The following PTPRT variants were observed in gnomAD, a reference collection of about 807,000 sequenced individuals.
PTPRT encodes receptor-type tyrosine-protein phosphatase T.
In PTPRT, 56 loss-of-function variants were observed where a neutral mutation model predicts 176.8. The ratio of observed to expected loss-of-function variants is 0.32; its 90% CI spans 0.26 to 0.40. PTPRT has a LOEUF of 0.40. Among genes scored for constraint, PTPRT ranks in the 10% least tolerant of loss-of-function variants. The pLI is 1.00. For missense variants in PTPRT, 1,540 were observed against 1,908.2 expected, an observed-to-expected ratio of 0.81 and a Z score of 3.60; for synonymous variants, 783 against 739.0, an observed-to-expected ratio of 1.06 and a Z score of -0.96.
rs1600675894 is a variant in PTPRT, at chr20:42,206,761, C to T, written c.2343-7373G>A. ...AGATAAACAAAGCAGCCCGGAAGCT[C>T]GAACTGGGTGAACTGGGCGGAGCCC... On this transcript the variant is annotated intron_variant, in intron 15 of 30. Coordinates refer to ENST00000373187, the MANE Select transcript of PTPRT (RefSeq NM_007050.6). Among the ~76,000 whole-genome samples, 4 of 152,360 alleles carry T rather than the reference C, an allele frequency of 2.6e-5. No individual in the cohort carries two copies. The South Asian group carries it at 8.3e-4, about 32-fold the overall frequency.
chr20:42,334,757 T>C (rs1373191296), intron 11 of PTPRT, among the ~76,000 whole-genome samples: 1 of 152,254 alleles, frequency 6.6e-6, no homozygotes, highest in Non-Finnish European at 1.5e-5. Context: ...ACTGGTTATG[T>C]GATCTTCCTT....
chr20:42,587,523 T>C (rs1233073066), intron 7 of PTPRT, among the ~76,000 whole-genome samples: 2 of 152,236 alleles, frequency 1.3e-5, no homozygotes, highest in African/African-American at 2.4e-5. Context: ...ACTCTGACCC[T>C]TGCACGGCCT....
At chr20:43,134,960 G>T (rs1168391402) in intron 1 of PTPRT, among the ~76,000 whole-genome samples, 2 of 152,100 alleles carry the variant, frequency 1.3e-5, no homozygotes, top group Non-Finnish European at 2.9e-5. Flanking sequence ...GCCTCAACCT[G>T]TTCACGCCAG....
At chr20:42,088,186 C>G (rs1984209432) in intron 27 of PTPRT, among the ~76,000 whole-genome samples, 1 of 152,206 alleles carries the variant, frequency 6.6e-6, no homozygotes, top group South Asian at 2.1e-4. Flanking sequence ...GACCCTTCAT[C>G]TGGGGGTTAC....
At chr20:42,383,854 A>G (rs1345248124) in intron 9 of PTPRT, among the ~76,000 whole-genome samples, 1 of 152,208 alleles carries the variant, frequency 6.6e-6, no homozygotes, top group Non-Finnish European at 1.5e-5. Context: ...TTTATGCCCC[A>G]CAAAGAATAA....
intron 1 of PTPRT, among the ~76,000 whole-genome samples, chr20:42,974,516 G>T (rs1291688559): frequency 6.6e-6 from 1 of 151,784 alleles, no homozygotes; most frequent in African/African-American, 2.4e-5. Context: ...CACACCCACA[G>T]ACACACACAG....
At position 42,403,287 on chromosome 20, in the gene PTPRT, C is replaced by T. The variant is rs184624172; in HGVS notation, c.1560+44933G>A. 1.3e-3 allele frequency among the ~76,000 whole-genome samples: 201 copies of T among 152,242 alleles called. 3 individuals carry two copies. Among genetic ancestry groups the T allele is most frequent in the African/African-American group, 3.6e-3 (149 of 41,542 alleles). On this transcript the variant is annotated intron_variant, in intron 9 of 30. Coordinates refer to ENST00000373187, the MANE Select transcript of PTPRT (RefSeq NM_007050.6). ...CATGGTATGCAAATACCATCATTTA[C>T]CTAAACATTTCTCTATTTGTTCATA...
At chr20:42,382,897 C>G (rs1022207462) in intron 9 of PTPRT, among the ~76,000 whole-genome samples, 1 of 152,162 alleles carries the variant, frequency 6.6e-6, no homozygotes, top group South Asian at 2.1e-4. Context: ...GGATCTCCAA[C>G]TATCACTATA....
chr20:42,225,489 C>T (rs926214907), intron 15 of PTPRT, among the ~76,000 whole-genome samples: 55 of 152,118 alleles, frequency 3.6e-4, no homozygotes, highest in African/African-American at 1.3e-3. Context: ...TTTCTCCCTA[C>T]CCCTTTCTTT....
At chr20:42,211,390 C>T (rs2049700588) in intron 15 of PTPRT, among the ~76,000 whole-genome samples, 1 of 150,754 alleles carries the variant, frequency 6.6e-6, no homozygotes, top group Non-Finnish European at 1.5e-5. Flanking sequence ...TTTTCGCAAC[C>T]TACTCATCTG....
intron 6 of PTPRT, among the ~76,000 whole-genome samples, chr20:42,720,010 C>T (rs1185416926): frequency 1.3e-5 from 2 of 152,196 alleles, no homozygotes; most frequent in Non-Finnish European, 2.9e-5. Flanking sequence ...ACAATCGGTG[C>T]AGATACTAGA....
At chr20:42,677,829 C>A (rs931301630) in intron 7 of PTPRT, 37 bp downstream of exon 7, 1 of 1,576,206 alleles carries the variant, frequency 6.3e-7, no homozygotes, top group Non-Finnish European at 8.6e-7. Context: ...ATAGCACAGC[C>A]TCTCATAATG....
intron 2 of PTPRT, among the ~76,000 whole-genome samples, chr20:42,825,525 C>T (rs1372159494): frequency 2.6e-5 from 4 of 151,698 alleles, no homozygotes; most frequent in African/African-American, 4.8e-5. Context: ...TATATATATA[C>T]ATTTAGCAAA....
chr20:42,282,427 TAGAA>T, intron 13 of PTPRT, 58 bp downstream of exon 13: 1 of 1,484,806 alleles, frequency 6.7e-7, no homozygotes, highest in Middle Eastern at 1.7e-4. Flanking sequence ...TCTGTGTGGC[TAGAA>T]AGAAATACTT....
At chr20:42,740,499 G>A (rs566840709) in intron 6 of PTPRT, among the ~76,000 whole-genome samples, 4 of 152,182 alleles carry the variant, frequency 2.6e-5, no homozygotes, top group Non-Finnish European at 5.9e-5. Context: ...GTCAATGACC[G>A]CACAGTTTTG....
rs535886424 is a variant in PTPRT, at chr20:42,595,194, G to A, written c.1153+82672C>T. On this transcript the variant is annotated intron_variant, in intron 7 of 30. Transcript: ENST00000373187. ...CATTATTCAAAGAACCTGGTGTAGTGCGTGGGAGATACTGCATGCACCTCT... is the reference window on the plus strand; with the variant it reads ...CATTATTCAAAGAACCTGGTGTAGTACGTGGGAGATACTGCATGCACCTCT... Among the ~76,000 whole-genome samples the A allele has an allele frequency of 3.3e-5, 5 of 152,080 alleles. No individual in the cohort carries two copies. In the South Asian group the frequency reaches 6.2e-4, roughly 19 times the overall value.
chr20:42,755,774 G>C (rs6072855), intron 6 of PTPRT, among the ~76,000 whole-genome samples: 149,498 of 152,308 alleles, frequency 0.98, 73,430 homozygotes, highest in East Asian at 1. Flanking sequence ...AACAAGACAC[G>C]TGGAATTATC....
At chr20:42,044,592 A>G in the PTPRT span, among the ~76,000 whole-genome samples, 1 of 152,226 alleles carries the variant, frequency 6.6e-6, no homozygotes, top group Non-Finnish European at 1.5e-5. Flanking sequence ...AAACCTTATT[A>G]ATAAAGAAGT....
chr20:42,060,449 C>G, the PTPRT span, among the ~76,000 whole-genome samples: 4 of 152,132 alleles, frequency 2.6e-5, no homozygotes, highest in Non-Finnish European at 4.4e-5. Context: ...TGGCTGTGTC[C>G]CCACCCAAAT....
Sources: gnomAD v4.1 joint callset for allele counts (sites outside exome capture counted in the v4.1 genomes callset) on GRCh38, gnomAD v4.1.1 for gene constraint, MANE v1.5 for transcripts, NCBI Gene and HGNC (gene_info 2026-07-23, HGNC 2026-07-21) for gene names.